The following FHIT variants were observed in gnomAD, a reference collection of about 807,000 sequenced individuals.
FHIT encodes the protein bis(5'-adenosyl)-triphosphatase.
A neutral mutation model predicts 17.9 loss-of-function variants in FHIT; 19 were observed. The ratio of observed to expected loss-of-function variants is 1.06; its 90% CI spans 0.74 to 1.56. FHIT has a LOEUF of 1.56. Among genes scored for constraint, FHIT ranks in the 40% most tolerant of loss-of-function variants. FHIT has a pLI of 0.00. For synonymous variants in FHIT, 81 were observed against 69.7 expected, an observed-to-expected ratio of 1.16 and a Z score of -0.81; for missense variants, 248 against 189.2, an observed-to-expected ratio of 1.31 and a Z score of -1.82.
chr3:60,162,173 A>T (rs1700968636), intron 5 of FHIT, among the ~76,000 whole-genome samples: 1 of 152,196 alleles, frequency 6.6e-6, no homozygotes. Context: ...TACATAGGAA[A>T]GCTTCCTTGA....
intron 5 of FHIT, among the ~76,000 whole-genome samples, chr3:60,029,897 C>G (rs57601145): frequency 0.54 from 68,027 of 127,066 alleles, 18,453 homozygotes; most frequent in Non-Finnish European, 0.65. Flanking sequence ...GTGTGTGTGT[C>G]TGTGTGTGTG....
At chr3:59,879,048 T>C (rs73100634) in intron 8 of FHIT, among the ~76,000 whole-genome samples, 3,316 of 152,098 alleles carry the variant, frequency 0.022, 44 homozygotes, top group South Asian at 0.063. Flanking sequence ...GCACATTCTA[T>C]CCAAATGAAG....
chr3:60,083,005 T>G (rs1703355349), intron 5 of FHIT, among the ~76,000 whole-genome samples: 1 of 152,164 alleles, frequency 6.6e-6, no homozygotes, highest in African/African-American at 2.4e-5. Context: ...TATGTTACAT[T>G]GCTTTTGAAG....
intron 5 of FHIT, among the ~76,000 whole-genome samples, chr3:60,156,324 T>C (rs188040660): frequency 2.6e-3 from 391 of 150,484 alleles, no homozygotes; most frequent in Non-Finnish European, 4.4e-3. Context: ...CACTCCAGCC[T>C]GGGTGACAGA....
At chr3:59,814,004 C>T (rs1331025545) in intron 8 of FHIT, among the ~76,000 whole-genome samples, 2 of 150,980 alleles carry the variant, frequency 1.3e-5, no homozygotes, top group East Asian at 1.9e-4. Flanking sequence ...TCTAAAAGGA[C>T]GGATTCATCC....
intron 4 of FHIT, among the ~76,000 whole-genome samples, chr3:60,569,756 T>TATATATA (rs1491532042): frequency 3.5e-5 from 1 of 28,660 alleles, no homozygotes; most frequent in Admixed American, 4.2e-4. Context: ...TATATATATA[T>TATATATA]TTTTTTTTTT....
At chr3:59,810,713 C>G (rs1347314667) in intron 8 of FHIT, among the ~76,000 whole-genome samples, 1 of 152,138 alleles carries the variant, frequency 6.6e-6, no homozygotes, top group African/African-American at 2.4e-5. Context: ...GCCTCTCCAC[C>G]CTCCCCCTCC....
chr3:60,114,001 CCAAAAAAAAAAAAA>C (rs1704810685), intron 5 of FHIT, among the ~76,000 whole-genome samples: 2 of 17,920 alleles, frequency 1.1e-4, no homozygotes, highest in African/African-American at 4.6e-4. Context: ...GACCCCGTCT[CCAAAAAAAAAAAAA>C]AAAAAAAAAA....
At chr3:60,194,292 G>C (rs540785604) in intron 5 of FHIT, among the ~76,000 whole-genome samples, 50 of 152,148 alleles carry the variant, frequency 3.3e-4, no homozygotes, top group Admixed American at 5.2e-4. Flanking sequence ...AAATACTTAG[G>C]ACCAAGTGAT....
At chr3:60,218,397 T>A (rs1309353522) in intron 5 of FHIT, among the ~76,000 whole-genome samples, 1 of 152,178 alleles carries the variant, frequency 6.6e-6, no homozygotes, top group East Asian at 1.9e-4. Context: ...ATTGTACAGC[T>A]AGGTCATAAG....
chr3:60,577,792 G>C (rs1487235134), intron 4 of FHIT, among the ~76,000 whole-genome samples: 1 of 152,124 alleles, frequency 6.6e-6, no homozygotes, highest in East Asian at 1.9e-4. Flanking sequence ...TTAGCTTTAA[G>C]AGCGACATTT....
chr3:59,895,311 G>A (rs1001519496), intron 8 of FHIT, among the ~76,000 whole-genome samples: 4 of 152,200 alleles, frequency 2.6e-5, no homozygotes. Flanking sequence ...TGTATCTTCA[G>A]TGCCTAGCAC....
chr3:61,055,373 A>G (rs2034181118), intron 2 of FHIT, among the ~76,000 whole-genome samples: 1 of 152,192 alleles, frequency 6.6e-6, no homozygotes, highest in Admixed American at 6.6e-5. Flanking sequence ...GGTCTCGTCC[A>G]TAATAGAGAT....
chr3:59,912,723 G>C (rs1048365666), intron 8 of FHIT, among the ~76,000 whole-genome samples: 2 of 152,128 alleles, frequency 1.3e-5, no homozygotes, highest in Non-Finnish European at 2.9e-5. Context: ...TTACATTTCC[G>C]TGCAAAGGGA....
At chr3:60,261,789 T>A (rs560562637) in intron 5 of FHIT, among the ~76,000 whole-genome samples, 43 of 152,072 alleles carry the variant, frequency 2.8e-4, no homozygotes, top group African/African-American at 1.0e-3. Flanking sequence ...TGAAGCAGAC[T>A]ATACAGTAAT....
chr3:60,222,245 G>C (rs1243018925), intron 5 of FHIT, among the ~76,000 whole-genome samples: 5 of 151,420 alleles, frequency 3.3e-5, no homozygotes, highest in African/African-American at 1.2e-4. Context: ...CATTCATTCT[G>C]AGCCAGGATT....
At chr3:60,849,433 A>C (rs1703052215) in intron 3 of FHIT, among the ~76,000 whole-genome samples, 1 of 97,494 alleles carries the variant, frequency 1.0e-5, no homozygotes, top group South Asian at 3.3e-4. Flanking sequence ...TTGTTAATAC[A>C]AAAATGAAAT....
chr3:60,358,623 G>A (rs1166809139), intron 5 of FHIT, among the ~76,000 whole-genome samples: 1 of 152,142 alleles, frequency 6.6e-6, no homozygotes, highest in African/African-American at 2.4e-5. Flanking sequence ...ATAGTGAAAG[G>A]CTAATAAACA....
chr3:59,840,304 G>A (rs1701485466), intron 8 of FHIT, among the ~76,000 whole-genome samples: 1 of 151,518 alleles, frequency 6.6e-6, no homozygotes, highest in African/African-American at 2.4e-5. Flanking sequence ...ACACCTATAG[G>A]GGCCCTTTGA....
Sources: gnomAD v4.1 joint callset for allele counts (sites outside exome capture counted in the v4.1 genomes callset) on GRCh38, gnomAD v4.1.1 for gene constraint, MANE v1.5 for transcripts, NCBI Gene and HGNC (gene_info 2026-07-23, HGNC 2026-07-21) for gene names.